The following TEX19 variants were observed in gnomAD, a reference collection of about 807,000 sequenced individuals.
TEX19 encodes testis expressed 19, also known as testis-expressed protein 19.
For synonymous variants in TEX19, 77 were observed against 73.9 expected (o/e 1.04, Z -0.21); for missense variants, 184 against 194.4 (o/e 0.95, Z 0.32).
chr17:82,362,223 C>T lies in TEX19; in HGVS notation c.73C>T (p.Leu25Phe). The stretch of plus-strand genomic sequence containing the variant: ...CCTCTACGCCTCCTGGATGTATCAG[C>T]TTCAACATGGAGATCAGCTAAGCAT... ...SYLYASWMYQ[L>F]QHGDQLSICF... The change falls in exon 2 of 2, where the codon CTT becomes TTT. Residue 25 changes from leucine (L) to phenylalanine (F), a missense_variant. Leu to Phe is a conservative substitution (Grantham distance 22). Coordinates refer to ENST00000333437, the MANE Select transcript of TEX19 (RefSeq NM_207459.4). This position sits in a 1 kb window ranked among gnomAD's most constrained non-coding sequence, Gnocchi z 5.5. The T allele has an allele frequency of 6.2e-7, 1 of 1,613,864 alleles. No homozygotes were observed. The highest frequency in any genetic ancestry group is 1.3e-5 in the African/African-American group (1 of 75,068).
chr17:82,362,442 T>C lies in TEX19; in HGVS notation c.292T>C (p.Trp98Arg). The C allele has an allele frequency of 6.2e-7, 1 of 1,612,618 alleles. No homozygotes were observed. The highest frequency in any genetic ancestry group is 8.5e-7 in the Non-Finnish European group (1 of 1,179,790). Residue 98 changes from tryptophan to arginine, a missense_variant, in exon 2 of 2, where the codon TGG becomes CGG. Transcript: ENST00000333437. The surrounding 1 kb of genome is among the most constrained non-coding windows in gnomAD (Gnocchi z 5.5). Reference sequence around the variant, plus strand: ...GCCTGTGCAGGGGGGCTCTGAGGCATGGGGGCCAGGGACCCTGGCAGCAGC... The same window carrying C: ...GCCTGTGCAGGGGGGCTCTGAGGCACGGGGGCCAGGGACCCTGGCAGCAGC... ...GQPVQGGSEA[W>R]GPGTLAAAPE...
At position 82,362,527 on chromosome 17, in the gene TEX19, C is replaced by A; in HGVS notation, c.377C>A (p.Pro126His). 6.2e-7 allele frequency: 1 copy of A among 1,612,886 alleles called. No individual in the cohort carries two copies. Among genetic ancestry groups the A allele is most frequent in the South Asian group, 1.1e-5 (1 of 91,078 alleles). The change falls in exon 2 of 2, where the codon CCT (proline) becomes CAT (histidine). Residue 126 changes from proline (P) to histidine (H), a missense_variant. Coordinates refer to ENST00000333437, the MANE Select transcript of TEX19 (RefSeq NM_207459.4). The surrounding 1 kb of genome is among the most constrained non-coding windows in gnomAD (Gnocchi z 5.5). ...DPHFVPTELWPQEAVPLGLGL... is the reference protein window; with the variant it reads ...DPHFVPTELWHQEAVPLGLGL... ...CACTTTGTCCCCACTGAACTATGGC[C>A]TCAGGAGGCTGTGCCCCTGGGCCTG...
At chr17:82,361,766 G>A in intron 1 of TEX19, 114 bp from the exon 2 acceptor site, 1 of 1,060,172 alleles carries the variant, frequency 9.4e-7, no homozygotes, top group Non-Finnish European at 1.1e-6. Context: ...ACTGAGCAGG[G>A]TCCCCACTAA....
intron 1 of TEX19, among the ~76,000 whole-genome samples, chr17:82,359,695 T>C (rs200255445): frequency 0.012 from 1,048 of 84,216 alleles, no homozygotes; most frequent in South Asian, 0.03. Context: ...CCCTCAAGTT[T>C]CCCTCAGTTT....
Position 82,362,427 on chromosome 17 carries a change from G to T in TEX19, c.277G>T (p.Gly93Trp), listed in dbSNP as rs147220016. Residue 93 changes from glycine (G) to tryptophan (W), a missense_variant, in exon 2 of 2, where the codon GGG (glycine) becomes TGG (tryptophan). Physicochemically the swap from Gly to Trp is radical, Grantham distance 184. Coordinates refer to ENST00000333437, the MANE Select transcript of TEX19 (RefSeq NM_207459.4). This position sits in a 1 kb window ranked among gnomAD's most constrained non-coding sequence, Gnocchi z 5.5. Reference protein sequence around the residue: ...WGQSPGQPVQGGSEAWGPGTL... With the variant: ...WGQSPGQPVQWGSEAWGPGTL... Reference sequence around the variant, plus strand: ...GCAGAGCCCAGGACAGCCTGTGCAGGGGGGCTCTGAGGCATGGGGGCCAGG... The same window carrying T: ...GCAGAGCCCAGGACAGCCTGTGCAGTGGGGCTCTGAGGCATGGGGGCCAGG... 4.0e-3 allele frequency: 6,494 copies of T among 1,612,936 alleles called. 24 individuals are homozygous for T. The highest frequency in any genetic ancestry group is 4.9e-3 in the Non-Finnish European group (5,760 of 1,179,914).
At position 82,362,469 on chromosome 17, in the gene TEX19, C is replaced by A; in HGVS notation, c.319C>A (p.Pro107Thr). 6.2e-7 allele frequency: 1 copy of A among 1,612,748 alleles called. No homozygotes were observed. Among genetic ancestry groups the A allele is most frequent in the Non-Finnish European group, 8.5e-7 (1 of 1,179,848 alleles). Residue 107 changes from proline to threonine, a missense_variant, in exon 2 of 2, where the codon CCA (proline) becomes ACA (threonine). Coordinates refer to ENST00000333437, the MANE Select transcript of TEX19 (RefSeq NM_207459.4). The surrounding 1 kb of genome is among the most constrained non-coding windows in gnomAD (Gnocchi z 5.5). ...AWGPGTLAAAPEGLEDAGLDP... is the reference protein window; with the variant it reads ...AWGPGTLAAATEGLEDAGLDP... Reference sequence around the variant, plus strand: ...GGGGCCAGGGACCCTGGCAGCAGCCCCAGAAGGGTTGGAAGATGCAGGTCT... The same window carrying A: ...GGGGCCAGGGACCCTGGCAGCAGCCACAGAAGGGTTGGAAGATGCAGGTCT...
chr17:82,360,684 A>G lies in TEX19; in HGVS notation c.-271-1196A>G, dbSNP rs551029555. On this transcript the variant is annotated intron_variant, in intron 1 of 1. Coordinates refer to ENST00000333437, the MANE Select transcript of TEX19 (RefSeq NM_207459.4). ...CCTCGGGTTCCCTCAAGTTTCCCTCAGGTTCCCCCAGTTTCCCTCAGGTTC... is the reference window on the plus strand; with the variant it reads ...CCTCGGGTTCCCTCAAGTTTCCCTCGGGTTCCCCCAGTTTCCCTCAGGTTC... Among the ~76,000 whole-genome samples, 505 of 113,932 alleles carry G rather than the reference A, an allele frequency of 4.4e-3. 4 individuals carry two copies. Among genetic ancestry groups the G allele is most frequent in the African/African-American group, 9.3e-3 (254 of 27,444 alleles). The allele number at this position is 113,932 out of a possible 152,430, so 74.7% of individuals were successfully genotyped here.
At position 82,362,641 on chromosome 17, in the gene TEX19, C is replaced by T; in HGVS notation, c.491C>T (p.Ser164Leu). 1 of 1,539,234 alleles carries T rather than the reference C, an allele frequency of 6.5e-7. No individual in the cohort carries two copies. Among genetic ancestry groups the T allele is most frequent in the Non-Finnish European group, 8.7e-7 (1 of 1,148,880 alleles). The change falls in exon 2 of 2, where the codon TCA becomes TTA. Residue 164 changes from serine to leucine, a missense_variant. By Grantham distance (145) the Ser-to-Leu change is moderately radical. Transcript: ENST00000333437. This position sits in a 1 kb window ranked among gnomAD's most constrained non-coding sequence, Gnocchi z 5.5. ...TCSHWPSFFP[S>L] Reference sequence around the variant, plus strand: ...TCACACTGGCCAAGCTTCTTTCCTTCATAGCAGGGGTTTCTCAAAGTGGAC... The same window carrying T: ...TCACACTGGCCAAGCTTCTTTCCTTTATAGCAGGGGTTTCTCAAAGTGGAC...
Position 82,359,764 on chromosome 17 carries a change from C to CCCTCAAATTTCCCTCAGT in TEX19, c.-272+479_-272+480insCCTCAAATTTCCCTCAGT, listed in dbSNP as rs2052364087. On this transcript the variant is annotated intron_variant, in intron 1 of 1. Transcript: ENST00000333437. ...CTCAGGTTCCCTCAGTTTCCCCCAG[C>CCCTCAAATTTCCCTCAGT]TTCCCTCAGGTTCCCTCAGTTTCCC... 5.9e-5 allele frequency among the ~76,000 whole-genome samples: 3 copies of CCCTCAAATTTCCCTCAGT among 50,568 alleles called. No homozygotes were observed. In the Admixed American group the frequency reaches 7.6e-4, roughly 13 times the overall value. The allele number at this position is 50,568 out of a possible 152,430, so 33.2% of individuals were successfully genotyped here.
Position 82,361,984 on chromosome 17 carries a change from C to G in TEX19, c.-167C>G. 1 of 955,848 alleles carries G rather than the reference C, an allele frequency of 1.0e-6. No homozygotes were observed. Among genetic ancestry groups the G allele is most frequent in the South Asian group, 1.7e-5 (1 of 58,126 alleles). The allele number at this position is 955,848 out of a possible 1,614,324, so 59.2% of individuals were successfully genotyped here. ...GAGCTGGGACCCAGGTCATCCACCC[C>G]ACCCCAAATCCCTGGATAGGAAACC... On this transcript the variant is annotated 5_prime_UTR_variant, in exon 2 of 2. Transcript: ENST00000333437.
Position 82,362,729 on chromosome 17 carries a change from G to C in TEX19, c.*84G>C, listed in dbSNP as rs775712977. On this transcript the variant is annotated 3_prime_UTR_variant, in exon 2 of 2. Coordinates refer to ENST00000333437, the MANE Select transcript of TEX19 (RefSeq NM_207459.4). The surrounding 1 kb of genome is among the most constrained non-coding windows in gnomAD (Gnocchi z 5.5). ...TTACCTGGGCAGTGGACCCTGCCGA[G>C]GCTGAGGCCTAGTTACTGGCCCTGC... is the stretch of plus-strand genomic sequence containing the variant. The C allele has an allele frequency of 6.7e-7, 1 of 1,482,518 alleles. No individual in the cohort carries two copies. The highest frequency in any genetic ancestry group is 2.4e-5 in the Admixed American group (1 of 41,034). 91.8% of individuals were successfully genotyped at this position (1,482,518 alleles called of 1,614,324 possible).
At chr17:82,361,645 G>A in intron 1 of TEX19, 1 of 985,310 alleles carries the variant, frequency 1.0e-6, no homozygotes. Context: ...CCCAGGTTCT[G>A]TCAGGTGAAG....
At chr17:82,361,009 G>GTTCCCCCAGT (rs2143077053) in intron 1 of TEX19, among the ~76,000 whole-genome samples, 8 of 84,636 alleles carry the variant, frequency 9.5e-5, no homozygotes, top group African/African-American at 1.3e-4. Flanking sequence ...TTTCCCTCAG[G>GTTCCCCCAGT]TTCCCTCAGT....
At chr17:82,361,163 C>T (rs1284706758) in intron 1 of TEX19, among the ~76,000 whole-genome samples, 1 of 120,468 alleles carries the variant, frequency 8.3e-6, no homozygotes. Flanking sequence ...TGCCAGTTTC[C>T]CTCAGGTTCC....
chr17:82,361,876 C>T lies in TEX19; in HGVS notation c.-271-4C>T, dbSNP rs1429832837. The T allele has an allele frequency of 5.1e-6, 4 of 789,822 alleles. No individual in the cohort carries two copies. Among genetic ancestry groups the T allele is most frequent in the Non-Finnish European group, 7.0e-6 (4 of 573,996 alleles). The allele number at this position is 789,822 out of a possible 1,614,324, so 48.9% of individuals were successfully genotyped here. On this transcript the variant is annotated splice_region_variant and splice_polypyrimidine_tract_variant and intron_variant, in intron 1 of 1. Coordinates refer to ENST00000333437, the MANE Select transcript of TEX19 (RefSeq NM_207459.4). The stretch of plus-strand genomic sequence containing the variant: ...GCCTAACCTCCCTTCCTTTGCCTTT[C>T]CAGCTCTCCTGAGACCACAGCAACT...
intron 1 of TEX19, 39 bp from the exon 2 acceptor site, chr17:82,361,841 T>G (rs1273621274): frequency 1.9e-5 from 18 of 969,714 alleles, no homozygotes; most frequent in Non-Finnish European, 2.4e-5. Context: ...CCACCCTGCC[T>G]GCTGGGGGTG....
At position 82,362,024 on chromosome 17, in the gene TEX19, C is replaced by T; in HGVS notation, c.-127C>T. ...GATAGGAAACCCCTTTCTCCTCCTGCTCCTTGTCCCCTTCATCCCTGCCGC... is the reference window on the plus strand; with the variant it reads ...GATAGGAAACCCCTTTCTCCTCCTGTTCCTTGTCCCCTTCATCCCTGCCGC... On this transcript the variant is annotated 5_prime_UTR_variant, in exon 2 of 2. Transcript: ENST00000333437. The surrounding 1 kb of genome is among the most constrained non-coding windows in gnomAD (Gnocchi z 5.5). The T allele has an allele frequency of 7.8e-7, 1 of 1,288,690 alleles. No individual in the cohort carries two copies. Among genetic ancestry groups the T allele is most frequent in the Non-Finnish European group, 1.1e-6 (1 of 942,380 alleles). 79.8% of individuals were successfully genotyped at this position (1,288,690 alleles called of 1,614,324 possible). A position where few individuals can be genotyped will look rare whatever the true frequency, so the allele number is the denominator to read the frequency against.
Position 82,363,033 on chromosome 17 carries a change from C to G in TEX19, c.*388C>G, listed in dbSNP as rs1223329077. 5.6e-6 allele frequency: 1 copy of G among 179,628 alleles called. No homozygotes were observed. Among genetic ancestry groups the G allele is most frequent in the Non-Finnish European group, 1.3e-5 (1 of 76,842 alleles). 11.1% of individuals were successfully genotyped at this position (179,628 alleles called of 1,614,324 possible). Reference sequence around the variant, plus strand: ...TAGTCTCTTATTCACCCTGGACCAACAGGGAGAGCAAGAAGGGAGACTCAG... The same window carrying G: ...TAGTCTCTTATTCACCCTGGACCAAGAGGGAGAGCAAGAAGGGAGACTCAG... On this transcript the variant is annotated 3_prime_UTR_variant, in exon 2 of 2. Coordinates refer to ENST00000333437, the MANE Select transcript of TEX19 (RefSeq NM_207459.4).
intron 1 of TEX19, chr17:82,361,658 GA>G (rs1449161815): frequency 1.0e-6 from 1 of 985,264 alleles, no homozygotes; most frequent in Non-Finnish European, 1.2e-6. Flanking sequence ...AGGTGAAGCT[GA>G]TGGGCTGTTG....
Sources: gnomAD v4.1 joint callset for allele counts (sites outside exome capture counted in the v4.1 genomes callset) on GRCh38, gnomAD v4.1.1 for gene constraint, Gnocchi (gnomAD v3.1) non-coding constraint, MANE v1.5 for transcripts, NCBI Gene and HGNC (gene_info 2026-07-23, HGNC 2026-07-21) for gene names.